SYNE2: variants seen among roughly 807,000 people sequenced by gnomAD.
SYNE2 encodes spectrin repeat containing nuclear envelope protein 2.
A neutral mutation model predicts 856.3 loss-of-function variants in SYNE2; 431 were observed. The ratio of observed to expected loss-of-function variants is 0.50; its 90% CI spans 0.47 to 0.55. The LOEUF (loss-of-function observed/expected upper bound fraction) is 0.55, where lower values mean the gene tolerates loss of function less well. Ranked by LOEUF, SYNE2 falls within the 20% of genes least tolerant of loss-of-function variation. The probability of loss-of-function intolerance (pLI) is 0.00; values close to 1 mark genes in which losing one functional copy is unlikely to be tolerated. For missense variants in SYNE2, 8,129 were observed against 8,023.2 expected, an observed-to-expected ratio of 1.01 and a Z score of -0.50; for synonymous variants, 2,923 against 2,872.3, an observed-to-expected ratio of 1.02 and a Z score of -0.56.
chr14:64,139,517 T>C (rs2098124021), intron 79 of SYNE2, among the ~76,000 whole-genome samples: 1 of 152,062 alleles, frequency 6.6e-6, no homozygotes, highest in Non-Finnish European at 1.5e-5. Flanking sequence ...GTTCAGGCGA[T>C]TCTCCTGCCT....
chr14:64,037,448 G>A (rs1430767016), intron 45 of SYNE2, among the ~76,000 whole-genome samples: 2 of 152,062 alleles, frequency 1.3e-5, no homozygotes, highest in Non-Finnish European at 2.9e-5. Context: ...AGGGTTGGGG[G>A]TAAGGTCACA....
chr14:64,195,108 G>A (rs2098535209), intron 99 of SYNE2, among the ~76,000 whole-genome samples: 1 of 152,124 alleles, frequency 6.6e-6, no homozygotes, highest in South Asian at 2.1e-4. Context: ...CTTGGGATCA[G>A]GGTGAGGAAC....
rs1280856751 is a variant in SYNE2 at position 63,948,750 on chromosome 14, GTA to G, written c.409-1067_409-1066del. Among the ~76,000 whole-genome samples the G allele has an allele frequency of 1.4e-4, 13 of 96,144 alleles. 1 individual carries two copies. The highest frequency in any genetic ancestry group is 1.1e-3 in the East Asian group (4 of 3,596). 63.1% of individuals were successfully genotyped at this position (96,144 alleles called of 152,430 possible). A position where few individuals can be genotyped will look rare whatever the true frequency, so the allele number is the denominator to read the frequency against. On this transcript the variant is annotated intron_variant, in intron 6 of 115. Transcript: ENST00000555002. ...TATATATGTGTATAGATATGTGTGTGTATATATATGTATATATATGTATGTGT... is the reference window on the plus strand; with the variant it reads ...TATATATGTGTATAGATATGTGTGTGTATATATGTATATATATGTATGTGT...
intron 1 of SYNE2, among the ~76,000 whole-genome samples, chr14:63,804,091 A>G (rs1888265810): frequency 6.6e-6 from 1 of 152,194 alleles, no homozygotes; most frequent in African/African-American, 2.4e-5. Context: ...CATCCCAGCC[A>G]TGCTTCCTGT....
At position 63,814,017 on chromosome 14, in the gene SYNE2, C is replaced by T. The variant is rs1328432434; in HGVS notation, c.-304-38484C>T. ...AGGTTGCAGTAAGCCGAGATCACAC[C>T]ACTGCACTCCAGCCTGGGCAACACA... On this transcript the variant is annotated intron_variant, in intron 1 of 23. Coordinates refer to the SYNE2 transcript ENST00000674003. Among the ~76,000 whole-genome samples, 3 of 151,952 alleles carry T rather than the reference C, an allele frequency of 2.0e-5. No homozygotes were observed. The East Asian group carries it at 5.8e-4, about 29-fold the overall frequency.
In SYNE2 at chr14:64,029,980, A is replaced by G; in HGVS notation, c.6800A>G (p.Asn2267Ser). 6.2e-7 allele frequency: 1 copy of G among 1,614,142 alleles called. No individual in the cohort carries two copies. The highest frequency in any genetic ancestry group is 1.3e-5 in the African/African-American group (1 of 75,060). Residue 2267 changes from asparagine (N) to serine (S), a missense_variant, in exon 44 of 116, where the codon AAT becomes AGT. Physicochemically the swap from Asn to Ser is conservative, Grantham distance 46. Transcript: ENST00000555002. ...ACAGACCTGAATACTACATTGGACAATTTCTCCAAGGAATTTGTCAGTTTT... is the reference window on the plus strand; with the variant it reads ...ACAGACCTGAATACTACATTGGACAGTTTCTCCAAGGAATTTGTCAGTTTT... The part of the protein sequence containing the change: ...CVTDLNTTLD[N>S]FSKEFVSFSD...
At chr14:63,972,945 A>G (rs1212039899) in intron 11 of SYNE2, among the ~76,000 whole-genome samples, 1 of 152,210 alleles carries the variant, frequency 6.6e-6, no homozygotes, top group East Asian at 1.9e-4. Context: ...GTACATGCTA[A>G]CTTGTTTATT....
At chr14:64,134,618 C>A (rs2098064990) in intron 78 of SYNE2, among the ~76,000 whole-genome samples, 1 of 152,160 alleles carries the variant, frequency 6.6e-6, no homozygotes, top group Non-Finnish European at 1.5e-5. Context: ...TTTATTCCTA[C>A]AGTGAAGTCC....
chr14:63,967,588 G>C (rs1320763544), intron 10 of SYNE2, 121 bp from the exon 11 acceptor site: 1 of 988,146 alleles, frequency 1.0e-6, no homozygotes, highest in Non-Finnish European at 1.5e-6. Context: ...TGGATTCAGG[G>C]GATTTTACCT....
chr14:64,221,696 G>A lies in SYNE2; in HGVS notation c.20182G>A (p.Glu6728Lys), dbSNP rs759377087. The A allele has an allele frequency of 6.2e-6, 10 of 1,614,034 alleles. No homozygotes were observed. The South Asian group carries it at 9.9e-5, about 16-fold the overall frequency. The change falls in exon 112 of 116, where the codon GAA becomes AAA. Residue 6728 changes from glutamate (E) to lysine (K), a missense_variant. Glu to Lys is a moderately conservative substitution (Grantham distance 56, BLOSUM62 1). Transcript: ENST00000555002. ...CCGGGCTCTCCTAGAGTGTCGGAGG[G>A]AACTAATGGTAAGTTTCCTCCCAAG... ...DPRALLECRR[E>K]LMQLEKELVE... is the part of the protein sequence containing the mutation.
intron 1 of SYNE2, among the ~76,000 whole-genome samples, chr14:63,778,056 A>T (rs1887173270): frequency 6.6e-6 from 1 of 152,188 alleles, no homozygotes; most frequent in South Asian, 2.1e-4. Flanking sequence ...GTTAGGCTTT[A>T]TGTCACCACC....
chr14:64,124,981 C>A, intron 70 of SYNE2, 98 bp from the exon 71 acceptor site: 1 of 1,488,462 alleles, frequency 6.7e-7, no homozygotes, highest in Non-Finnish European at 9.1e-7. Flanking sequence ...CCAGCCTGGG[C>A]GACAGAGCAA....
In SYNE2 at chr14:64,202,854, T is replaced by C; in HGVS notation, c.18092T>C (p.Met6031Thr). 6.2e-7 allele frequency: 1 copy of C among 1,614,138 alleles called. No individual in the cohort carries two copies. The highest frequency in any genetic ancestry group is 8.5e-7 in the Non-Finnish European group (1 of 1,180,018). Residue 6031 changes from methionine to threonine, a missense_variant, in exon 100 of 116, where the codon ATG becomes ACG. Met to Thr is a moderately conservative substitution (Grantham distance 81, BLOSUM62 -1). Transcript: ENST00000555002. Reference protein sequence around the residue: ...FAFIQQLDKNMSNLRTWLARI... With the variant: ...FAFIQQLDKNTSNLRTWLARI... The stretch of plus-strand genomic sequence containing the variant: ...TTTATTCAGCAGTTGGACAAAAACA[T>C]GAGCAACCTTCGCACCTGGTTGGCT...
intron 1 of SYNE2, among the ~76,000 whole-genome samples, chr14:63,903,508 C>T (rs1387184320): frequency 6.6e-6 from 1 of 151,644 alleles, no homozygotes; most frequent in Non-Finnish European, 1.5e-5. Flanking sequence ...TATTTATTTA[C>T]TTTTTAGAGG....
At chr14:63,910,198 A>C (rs1046870445) in intron 2 of SYNE2, among the ~76,000 whole-genome samples, 5 of 152,216 alleles carry the variant, frequency 3.3e-5, no homozygotes, top group Admixed American at 1.3e-4. Flanking sequence ...ATGTTACTCA[A>C]AGTCATAGAT....
chr14:63,986,654 G>A, intron 19 of SYNE2, 37 bp downstream of exon 19: 2 of 1,602,500 alleles, frequency 1.2e-6, no homozygotes, highest in Non-Finnish European at 1.7e-6. Flanking sequence ...TACTTTCATG[G>A]TTGTGCATTT....
At position 64,052,957 on chromosome 14, in the gene SYNE2, C is replaced by T; in HGVS notation, c.9044C>T (p.Ser3015Leu). The change falls in exon 48 of 116, where the codon TCA becomes TTA. Residue 3015 changes from serine to leucine, a missense_variant. Ser to Leu is a moderately radical substitution (Grantham distance 145). Coordinates refer to ENST00000555002, the MANE Select transcript of SYNE2 (RefSeq NM_182914.3). Reference sequence around the variant, plus strand: ...TATATTGGACTAAACTGGGATTTTTCACAACTTGACCAATTACAAACCCAA... The same window carrying T: ...TATATTGGACTAAACTGGGATTTTTTACAACTTGACCAATTACAAACCCAA... The part of the protein sequence containing the change: ...FDYIGLNWDF[S>L]QLDQLQTQVF... 6.2e-7 allele frequency: 1 copy of T among 1,609,676 alleles called. No individual in the cohort carries two copies. The highest frequency in any genetic ancestry group is 1.1e-5 in the South Asian group (1 of 89,336).
rs200997641 is a variant in SYNE2, at chr14:64,132,410, G to A, written c.14486G>A (p.Cys4829Tyr). The change falls in exon 77 of 116, where the codon TGT becomes TAT. Residue 4829 changes from cysteine (C) to tyrosine (Y), a missense_variant. By Grantham distance (194) the Cys-to-Tyr change is radical. Coordinates refer to ENST00000555002, the MANE Select transcript of SYNE2 (RefSeq NM_182914.3). ...ATACTAGAAGAAAAGTCACGCCAAT[G>A]TGGTATGAAGCTGCAGAGTTTGTTG... ...VKILEEKSRQ[C>Y]GMKLQSLLQK... 85 of 1,614,122 alleles carry A rather than the reference G, an allele frequency of 5.3e-5. No individual in the cohort carries two copies. Among genetic ancestry groups the A allele is most frequent in the Non-Finnish European group, 4.8e-5 (57 of 1,180,050 alleles).
intron 1 of SYNE2, among the ~76,000 whole-genome samples, chr14:63,827,540 G>C (rs1889481381): frequency 7.4e-6 from 1 of 134,774 alleles, no homozygotes; most frequent in Non-Finnish European, 1.5e-5. Flanking sequence ...CAAGAGAATT[G>C]CTTGAACTTG....
Sources: allele counts gnomAD v4.1 joint callset (sites outside exome capture counted in the v4.1 genomes callset), GRCh38; gene constraint gnomAD v4.1.1; transcripts MANE v1.5; gene names NCBI Gene and HGNC (gene_info 2026-07-23, HGNC 2026-07-21).